SEPTIN2: variants seen among roughly 807,000 people sequenced by gnomAD.
SEPTIN2 encodes septin 2.
SEPTIN2 carries 34 observed loss-of-function variants against 46.5 expected under a neutral mutation model. That is an observed-to-expected ratio of 0.73 (90% CI 0.56 to 0.97). The LOEUF is 0.97. SEPTIN2 is among the 50% of genes least tolerant of loss of function. The pLI is 0.00. For missense variants in SEPTIN2, 347 were observed against 448.4 expected (o/e 0.77, Z 2.04); for synonymous variants, 175 against 153.4 (o/e 1.14, Z -1.04).
intron 1 of SEPTIN2, chr2:241,316,650 G>A: frequency 1.1e-6 from 1 of 895,930 alleles, no homozygotes; most frequent in Non-Finnish European, 1.6e-6. Flanking sequence ...TGGTCTCAGT[G>A]GAGTCCCAAC....
chr2:241,343,542 A>T (rs12619369), intron 8 of SEPTIN2, among the ~76,000 whole-genome samples: 22,947 of 152,180 alleles, frequency 0.15, 2,339 homozygotes, highest in Admixed American at 0.34. Context: ...AAGCTTAGAA[A>T]TTTTATTGTA....
chr2:241,337,663 T>C lies in SEPTIN2; in HGVS notation c.477-10T>C. The C allele has an allele frequency of 2.5e-6, 4 of 1,601,794 alleles. No homozygotes were observed. The highest frequency in any genetic ancestry group is 3.4e-6 in the Non-Finnish European group (4 of 1,174,282). ...TTTTAAATAAGTGACAATTCTAAAA[T>C]TAATTTTAGACTTAAGCCCTTAGAT... On this transcript the variant is annotated splice_polypyrimidine_tract_variant and intron_variant, in intron 6 of 12. Coordinates refer to ENST00000391971, the MANE Select transcript of SEPTIN2 (RefSeq NM_004404.5).
chr2:241,333,221 A>G (rs1036388225), intron 3 of SEPTIN2, among the ~76,000 whole-genome samples: 1 of 152,322 alleles, frequency 6.6e-6, no homozygotes, highest in East Asian at 1.9e-4. Flanking sequence ...TTAATAGCTC[A>G]AGAAAAATGG....
In SEPTIN2 at chr2:241,335,228, T is replaced by A; in HGVS notation, c.217+16T>A. On this transcript the variant is annotated intron_variant, in intron 4 of 12. Transcript: ENST00000391971. ...GGAGCAGCAGGTAAAAACATTCTTA[T>A]GTTACTGTAAGTGTAATTCTACATG... 1 of 1,609,876 alleles carries A rather than the reference T, an allele frequency of 6.2e-7. No homozygotes were observed. The highest frequency in any genetic ancestry group is 8.5e-7 in the Non-Finnish European group (1 of 1,177,060).
At chr2:241,340,816 A>G (rs767332968) in intron 7 of SEPTIN2, among the ~76,000 whole-genome samples, 2 of 152,052 alleles carry the variant, frequency 1.3e-5, no homozygotes, top group African/African-American at 2.4e-5. Context: ...CAGTTTGTTC[A>G]TTCTGCCCTA....
intron 12 of SEPTIN2, among the ~76,000 whole-genome samples, chr2:241,350,885 C>T (rs1320035535): frequency 6.6e-6 from 1 of 152,118 alleles, no homozygotes; most frequent in East Asian, 1.9e-4. Flanking sequence ...TCCAGGTGGC[C>T]ACTCCCATCA....
intron 7 of SEPTIN2, among the ~76,000 whole-genome samples, chr2:241,338,896 T>C (rs1312826223): frequency 1.2e-5 from 1 of 80,134 alleles, no homozygotes; most frequent in South Asian, 2.7e-4. Flanking sequence ...ATATATATTA[T>C]ATATATTATA....
chr2:241,337,610 TGA>T, intron 6 of SEPTIN2, 61 bp from the exon 7 acceptor site: 1 of 1,579,454 alleles, frequency 6.3e-7, no homozygotes, highest in East Asian at 2.2e-5. Context: ...TAAGATAATT[TGA>T]GAGAGAAGAG....
chr2:241,326,052 C>G lies in SEPTIN2; in HGVS notation c.69C>G (p.Leu23=), dbSNP rs2077910204. 1 of 1,613,616 alleles carries G rather than the reference C, an allele frequency of 6.2e-7. No homozygotes were observed. Among genetic ancestry groups the G allele is most frequent in the Admixed American group, 1.7e-5 (1 of 59,974 alleles). ...ETPGYVGFAN[L]PNQVHRKSVK... is the part of the protein sequence containing the mutation. ...CTGGCTATGTTGGATTTGCAAACCT[C>G]CCCAATCAAGTTCACCGAAAATCAG... Residue 23 remains leucine, a synonymous_variant, in exon 3 of 13, where the codon CTC becomes CTG. Transcript: ENST00000391971.
intron 1 of SEPTIN2, chr2:241,317,208 T>C (rs1421627544): frequency 1.3e-5 from 2 of 152,292 alleles, no homozygotes; most frequent in African/African-American, 4.8e-5. Context: ...CTCCCATTAA[T>C]GGGTTCTTTG....
chr2:241,333,330 G>A (rs2079330233), intron 3 of SEPTIN2, among the ~76,000 whole-genome samples: 1 of 152,082 alleles, frequency 6.6e-6, no homozygotes, highest in Admixed American at 6.5e-5. Flanking sequence ...AAAGAAACAG[G>A]TAAAGGGGCA....
At position 241,350,143 on chromosome 2, in the gene SEPTIN2, G is replaced by A. The variant is rs766316591; in HGVS notation, c.1055G>A (p.Gly352Asp). The A allele has an allele frequency of 6.4e-5, 103 of 1,613,946 alleles. 2 individuals are homozygous for A. The Middle Eastern group carries it at 0.013, about 210-fold the overall frequency. The part of the protein sequence containing the change: ...QMQMQMQGGD[G>D]DGGALGHHV ...CAGATGCAGATGCAGGGCGGGGATGGCGATGGCGGGGCTCTCGGGCACCAC... is the reference window on the plus strand; with the variant it reads ...CAGATGCAGATGCAGGGCGGGGATGACGATGGCGGGGCTCTCGGGCACCAC... The change falls in exon 12 of 13, where the codon GGC becomes GAC. Residue 352 changes from glycine (G) to aspartate (D), a missense_variant. Transcript: ENST00000391971.
intron 1 of SEPTIN2, among the ~76,000 whole-genome samples, chr2:241,321,062 A>G (rs1308101405): frequency 6.6e-6 from 1 of 152,206 alleles, no homozygotes; most frequent in Non-Finnish European, 1.5e-5. Context: ...TTGACTGTAA[A>G]AATGTTTTTC....
intron 9 of SEPTIN2, among the ~76,000 whole-genome samples, chr2:241,345,793 C>A (rs1444049160): frequency 6.6e-6 from 1 of 152,080 alleles, no homozygotes; most frequent in East Asian, 1.9e-4. Flanking sequence ...ATTACATTTT[C>A]CGTAAGTCCT....
chr2:241,319,788 T>A (rs1161212997), intron 1 of SEPTIN2, among the ~76,000 whole-genome samples: 1 of 152,122 alleles, frequency 6.6e-6, no homozygotes, highest in Non-Finnish European at 1.5e-5. Flanking sequence ...GAGACAGTGT[T>A]TCACCATGTT....
At chr2:241,341,626 A>G (rs551677239) in intron 7 of SEPTIN2, among the ~76,000 whole-genome samples, 1 of 152,358 alleles carries the variant, frequency 6.6e-6, no homozygotes, top group Admixed American at 6.5e-5. Context: ...GTCGAGTTAC[A>G]GAGTAAAGGA....
In SEPTIN2 at chr2:241,344,028, C is replaced by T. The variant is rs1575364254; in HGVS notation, c.842+131C>T. On this transcript the variant is annotated intron_variant, in intron 9 of 12. Transcript: ENST00000391971. Reference sequence around the variant, plus strand: ...TTGCCGCCCTCAGTGTTTCTCACATCGCAGAAGTGGTGTGGGGCTGTTGCA... The same window carrying T: ...TTGCCGCCCTCAGTGTTTCTCACATTGCAGAAGTGGTGTGGGGCTGTTGCA... 19 of 1,135,276 alleles carry T rather than the reference C, an allele frequency of 1.7e-5. 1 individual carries two copies. The East Asian group carries it at 1.7e-4, about 10-fold the overall frequency. The allele number at this position is 1,135,276 out of a possible 1,614,324, so 70.3% of individuals were successfully genotyped here. A position where few individuals can be genotyped will look rare whatever the true frequency, so the allele number is the denominator to read the frequency against.
chr2:241,325,855 G>T, intron 2 of SEPTIN2, 138 bp from the exon 3 acceptor site: 1 of 670,984 alleles, frequency 1.5e-6, no homozygotes, highest in Non-Finnish European at 2.3e-6. Flanking sequence ...ATAGAAGTAT[G>T]ACCTTCTGGA....
At chr2:241,333,807 G>A (rs1041069535) in intron 3 of SEPTIN2, among the ~76,000 whole-genome samples, 4 of 152,238 alleles carry the variant, frequency 2.6e-5, no homozygotes, top group South Asian at 2.1e-4. Flanking sequence ...CCGGCTGTGC[G>A]TCTGCACATT....
Sources: gnomAD v4.1 joint callset for allele counts (sites outside exome capture counted in the v4.1 genomes callset) on GRCh38, gnomAD v4.1.1 for gene constraint, MANE v1.5 for transcripts, NCBI Gene and HGNC (gene_info 2026-07-23, HGNC 2026-07-21) for gene names.